The following PDE7B variants were observed in gnomAD, a reference collection of about 807,000 sequenced individuals.
PDE7B encodes phosphodiesterase 7B, also known as 3',5'-cyclic-AMP phosphodiesterase 7B.
Under a neutral mutation model 56.2 loss-of-function variants are expected in PDE7B, and 29 were observed. The ratio of observed to expected loss-of-function variants is 0.52; its 90% confidence interval spans 0.38 to 0.70. The LOEUF is 0.70. PDE7B is among the 30% of genes least tolerant of loss of function. PDE7B has a pLI of 0.00. For missense variants in PDE7B, 490 were observed against 565.0 expected, an observed-to-expected ratio of 0.87 and a Z score of 1.35; for synonymous variants, 197 against 196.9, an observed-to-expected ratio of 1.00 and a Z score of 0.00.
chr6:136,091,984 A>G (rs1245045173), intron 2 of PDE7B, among the ~76,000 whole-genome samples: 1 of 152,250 alleles, frequency 6.6e-6, no homozygotes, highest in Non-Finnish European at 1.5e-5. Context: ...GAGTAAAGCC[A>G]TAAGCAGTAG....
chr6:136,072,667 A>G (rs975675), intron 2 of PDE7B: 65,576 of 152,106 alleles, frequency 0.43, 14,244 homozygotes, highest in South Asian at 0.51. Flanking sequence ...TTTTCTGGAC[A>G]TGGCCGTTCT....
At chr6:135,948,769 T>C (rs923635532) in intron 2 of PDE7B, among the ~76,000 whole-genome samples, 2 of 151,826 alleles carry the variant, frequency 1.3e-5, no homozygotes, top group African/African-American at 4.8e-5. Flanking sequence ...CATACACCCA[T>C]TTCAAATATC....
intron 2 of PDE7B, among the ~76,000 whole-genome samples, chr6:135,984,037 T>C (rs901715457): frequency 2.4e-4 from 37 of 152,366 alleles, no homozygotes; most frequent in African/African-American, 7.9e-4. Flanking sequence ...GTGGTCCATC[T>C]TTCTTCAGGA....
intron 2 of PDE7B, among the ~76,000 whole-genome samples, chr6:136,100,496 G>T (rs910749445): frequency 1.3e-5 from 2 of 152,176 alleles, no homozygotes; most frequent in Non-Finnish European, 2.9e-5. Context: ...CACATCCCTT[G>T]TAAGTTGGAT....
chr6:136,143,430 T>G, intron 3 of PDE7B, among the ~76,000 whole-genome samples: 1 of 151,896 alleles, frequency 6.6e-6, no homozygotes. Flanking sequence ...TACTTAAAAT[T>G]TAGGGGAATA....
intron 3 of PDE7B, among the ~76,000 whole-genome samples, chr6:136,115,550 T>C (rs1339873503): frequency 6.6e-6 from 1 of 152,134 alleles, no homozygotes. Flanking sequence ...AGAAAAAACA[T>C]ATTCAAAAAG....
At chr6:136,005,861 A>G (rs1198599175) in intron 2 of PDE7B, among the ~76,000 whole-genome samples, 1 of 152,156 alleles carries the variant, frequency 6.6e-6, no homozygotes, top group Non-Finnish European at 1.5e-5. Flanking sequence ...CTGAGTATAT[A>G]CCCAAAGGAC....
chr6:136,191,879 GC>G lies in PDE7B; in HGVS notation c.*44del. On this transcript the variant is annotated 3_prime_UTR_variant, in exon 13 of 13. Transcript: ENST00000308191. ...TTAGACGCGGCTCTCCTCCGGCAGG[GC>G]CCCCAGAGGGCAGAAGCAGCGTGGA... is the stretch of plus-strand genomic sequence containing the variant. The G allele has an allele frequency of 2.7e-6, 4 of 1,478,884 alleles. No homozygotes were observed. The highest frequency in any genetic ancestry group is 1.8e-6 in the Non-Finnish European group (2 of 1,087,074). 91.6% of individuals were successfully genotyped at this position (1,478,884 alleles called of 1,614,324 possible).
intron 1 of PDE7B, among the ~76,000 whole-genome samples, chr6:135,853,706 C>T (rs1774975949): frequency 6.6e-6 from 1 of 151,986 alleles, no homozygotes; most frequent in Non-Finnish European, 1.5e-5. Context: ...GACTATATGT[C>T]AGCAAATTAG....
chr6:136,037,621 T>C lies in PDE7B; in HGVS notation c.83-71110T>C, dbSNP rs566220752. On this transcript the variant is annotated intron_variant, in intron 2 of 12. Coordinates refer to ENST00000308191, the MANE Select transcript of PDE7B (RefSeq NM_018945.4). ...AGACTCTCAGCTTCCTCTGTTTTTT[T>C]GAGAACTCCTTGGGGCTTGCAGGCC... The C allele has an allele frequency of 3.5e-5, 34 of 985,412 alleles. No homozygotes were observed. In the African/African-American group the frequency reaches 5.8e-4, roughly 17 times the overall value. 61.0% of individuals were successfully genotyped at this position (985,412 alleles called of 1,614,324 possible). A position where few individuals can be genotyped will look rare whatever the true frequency, so the allele number is the denominator to read the frequency against.
intron 1 of PDE7B, among the ~76,000 whole-genome samples, chr6:135,920,765 A>G (rs1336850166): frequency 1.3e-5 from 2 of 152,208 alleles, no homozygotes; most frequent in African/African-American, 4.8e-5. Flanking sequence ...AGCTAAGCAC[A>G]ACCTAAGTAG....
At chr6:136,038,101 G>T (rs554017696) in intron 2 of PDE7B, 18 of 1,329,158 alleles carry the variant, frequency 1.4e-5, no homozygotes, top group African/African-American at 3.0e-5. Flanking sequence ...GTTGTGCCAG[G>T]CTGGAGGAGG....
intron 4 of PDE7B, among the ~76,000 whole-genome samples, chr6:136,147,926 C>T (rs1224162802): frequency 6.6e-6 from 1 of 152,082 alleles, no homozygotes; most frequent in Non-Finnish European, 1.5e-5. Context: ...CTACTTTAGG[C>T]TATTGATGCA....
Position 135,909,620 on chromosome 6 carries a change from T to TAATA in PDE7B, c.22-37827_22-37824dup, listed in dbSNP as rs1004856125. The stretch of plus-strand genomic sequence containing the variant: ...GACCCTGTCTCCACAAATAAATAAA[T>TAATA]AATAAATAAATAAATAAATATTCTC... On this transcript the variant is annotated intron_variant, in intron 1 of 12. Transcript: ENST00000308191. Among the ~76,000 whole-genome samples the TAATA allele has an allele frequency of 2.2e-4, 16 of 74,052 alleles. No homozygotes were observed. The East Asian group carries it at 3.7e-3, about 17-fold the overall frequency. 48.6% of individuals were successfully genotyped at this position (74,052 alleles called of 152,430 possible). A position where few individuals can be genotyped will look rare whatever the true frequency, so the allele number is the denominator to read the frequency against.
intron 2 of PDE7B, among the ~76,000 whole-genome samples, chr6:136,057,307 T>C (rs1776753197): frequency 6.6e-6 from 1 of 152,188 alleles, no homozygotes; most frequent in African/African-American, 2.4e-5. Flanking sequence ...GAGTGATAAA[T>C]AGTGGAAAGA....
At chr6:136,101,895 A>G (rs1239208058) in intron 2 of PDE7B, among the ~76,000 whole-genome samples, 1 of 152,206 alleles carries the variant, frequency 6.6e-6, no homozygotes. Flanking sequence ...GGTTTTCCTC[A>G]GGACATAGTT....
chr6:136,038,527 A>G (rs1776365204), intron 2 of PDE7B: 5 of 1,274,256 alleles, frequency 3.9e-6, no homozygotes, highest in Non-Finnish European at 5.1e-6. Context: ...GCAGCTTTCC[A>G]GGTAAATTGA....
intron 6 of PDE7B, among the ~76,000 whole-genome samples, chr6:136,153,381 T>C (rs1778553117): frequency 6.6e-6 from 1 of 152,194 alleles, no homozygotes; most frequent in African/African-American, 2.4e-5. Context: ...AGCATCGCCT[T>C]GGTTATGAGC....
At chr6:136,141,179 T>C (rs1165706822) in intron 3 of PDE7B, among the ~76,000 whole-genome samples, 2 of 152,074 alleles carry the variant, frequency 1.3e-5, no homozygotes, top group African/African-American at 2.4e-5. Context: ...GCATGAAGGG[T>C]TGTTGAATTT....
Sources: gnomAD v4.1 joint callset for allele counts (sites outside exome capture counted in the v4.1 genomes callset) on GRCh38, gnomAD v4.1.1 for gene constraint, MANE v1.5 for transcripts, NCBI Gene and HGNC (gene_info 2026-07-23, HGNC 2026-07-21) for gene names.